ADAMTSL1: variants seen among roughly 807,000 people sequenced by gnomAD.
ADAMTSL1 encodes the protein ADAMTS like 1, also known as ADAMTS-like protein 1.
ADAMTSL1 carries 126 observed loss-of-function variants against 201.8 expected under a neutral mutation model. That is an observed-to-expected ratio of 0.62 (90% CI 0.54 to 0.72). ADAMTSL1 has a LOEUF of 0.72. ADAMTSL1 is among the 30% of genes least tolerant of loss of function. The pLI, the probability that ADAMTSL1 is intolerant of heterozygous loss-of-function variation, is 0.00. For synonymous variants in ADAMTSL1, 1,121 were observed against 903.4 expected (o/e 1.24, Z -4.32); for missense variants, 2,679 against 2,277.8 (o/e 1.18, Z -3.59).
At chr9:18,562,964 C>A (rs1039593898) in intron 3 of ADAMTSL1, among the ~76,000 whole-genome samples, 12 of 152,170 alleles carry the variant, frequency 7.9e-5, no homozygotes, top group African/African-American at 2.9e-4. Flanking sequence ...TTAGAACATG[C>A]TCCTTTAGCT....
intron 2 of ADAMTSL1, among the ~76,000 whole-genome samples, chr9:18,507,225 C>A (rs1205295790): frequency 6.6e-6 from 1 of 152,152 alleles, no homozygotes; most frequent in East Asian, 1.9e-4. Context: ...ATCTGAGATT[C>A]TAGTGGGATT....
At chr9:18,583,500 C>T (rs976738236) in intron 4 of ADAMTSL1, among the ~76,000 whole-genome samples, 3 of 152,178 alleles carry the variant, frequency 2.0e-5, no homozygotes, top group Non-Finnish European at 4.4e-5. Context: ...TAGGGCAGTG[C>T]AGAAGGGAAA....
chr9:18,470,032 C>G (rs1191943688), upstream of ADAMTSL1, among the ~76,000 whole-genome samples: 1 of 152,098 alleles, frequency 6.6e-6, no homozygotes, highest in African/African-American at 2.4e-5. Flanking sequence ...TAGAAAAGTG[C>G]CTACACATGG....
intron 23 of ADAMTSL1, among the ~76,000 whole-genome samples, chr9:18,845,999 C>T (rs1323281694): frequency 6.6e-6 from 1 of 152,164 alleles, no homozygotes; most frequent in Non-Finnish European, 1.5e-5. Flanking sequence ...AAGATAGTTC[C>T]ATTTACTTAT....
intron 1 of ADAMTSL1, among the ~76,000 whole-genome samples, chr9:18,132,013 G>A (rs189135810): frequency 2.0e-5 from 3 of 152,226 alleles, no homozygotes; most frequent in Admixed American, 2.0e-4. Flanking sequence ...TGAATTTATA[G>A]AATCACTCTG....
At chr9:17,985,731 C>G (rs1464488449) in intron 1 of ADAMTSL1, among the ~76,000 whole-genome samples, 1 of 152,090 alleles carries the variant, frequency 6.6e-6, no homozygotes, top group Non-Finnish European at 1.5e-5. Flanking sequence ...ATCAGATACT[C>G]CAATCCTTTC....
intron 20 of ADAMTSL1, among the ~76,000 whole-genome samples, chr9:18,804,032 G>C (rs1260526188): frequency 6.6e-6 from 1 of 152,182 alleles, no homozygotes; most frequent in Non-Finnish European, 1.5e-5. Flanking sequence ...TTTAGAAGCA[G>C]AATAGGACTA....
Position 17,910,018 on chromosome 9 carries a change from G to C in ADAMTSL1, c.87+3096G>C, listed in dbSNP as rs1312331607. ...AAAAAAAAGAATCATGGCCCCAGAA[G>C]TAAACTCGAAGAACAGTAAAGAAGG... is the stretch of plus-strand genomic sequence containing the variant. On this transcript the variant is annotated intron_variant, in intron 1 of 29. Coordinates refer to the ADAMTSL1 transcript ENST00000680146. 3.0e-5 allele frequency among the ~76,000 whole-genome samples: 2 copies of C among 66,426 alleles called. 1 individual carries two copies. The highest frequency in any genetic ancestry group is 6.0e-5 in the African/African-American group (2 of 33,288). The allele number at this position is 66,426 out of a possible 152,430, so 43.6% of individuals were successfully genotyped here. A position where few individuals can be genotyped will look rare whatever the true frequency, so the allele number is the denominator to read the frequency against.
At chr9:18,371,624 G>A (rs959662034) in intron 2 of ADAMTSL1, among the ~76,000 whole-genome samples, 9 of 152,064 alleles carry the variant, frequency 5.9e-5, no homozygotes, top group African/African-American at 1.9e-4. Context: ...AAGTTATATC[G>A]AATAGGGTTT....
At chr9:17,929,304 T>G (rs1329075219) in intron 1 of ADAMTSL1, among the ~76,000 whole-genome samples, 1 of 152,018 alleles carries the variant, frequency 6.6e-6, no homozygotes, top group Non-Finnish European at 1.5e-5. Context: ...TTTTAGACAT[T>G]TTATCCTAAT....
intron 22 of ADAMTSL1, among the ~76,000 whole-genome samples, chr9:18,828,450 T>G (rs1309583864): frequency 6.6e-6 from 1 of 151,440 alleles, no homozygotes; most frequent in Non-Finnish European, 1.5e-5. Flanking sequence ...TTGAGTAAAC[T>G]GCCACCATCA....
intron 2 of ADAMTSL1, among the ~76,000 whole-genome samples, chr9:18,266,886 T>A (rs1223175193): frequency 1.3e-5 from 2 of 152,126 alleles, no homozygotes; most frequent in African/African-American, 4.8e-5. Context: ...ATATTCCAGG[T>A]CCAGGCTTCT....
chr9:18,192,796 A>G (rs996388020), intron 2 of ADAMTSL1, among the ~76,000 whole-genome samples: 1 of 152,144 alleles, frequency 6.6e-6, no homozygotes, highest in Admixed American at 6.6e-5. Flanking sequence ...GAAAGAAAAG[A>G]CTGGCCAACT....
Position 18,795,457 on chromosome 9 carries a change from T to C in ADAMTSL1, c.3738T>C (p.Gly1246=). 6.2e-7 allele frequency: 1 copy of C among 1,613,922 alleles called. No individual in the cohort carries two copies. ...TGGCACCAGTGGAAGCAGATGTGGGTTTCTACACTTGCAATGCCACCAATG... is the reference window on the plus strand; with the variant it reads ...TGGCACCAGTGGAAGCAGATGTGGGCTTCTACACTTGCAATGCCACCAATG... ...QILAPVEADV[G]FYTCNATNAL... The change falls in exon 20 of 29, where the codon GGT becomes GGC. Residue 1246 remains glycine (G), a synonymous_variant. Transcript: ENST00000380548.
At chr9:18,761,964 A>G (rs2133666851) in intron 16 of ADAMTSL1, among the ~76,000 whole-genome samples, 1 of 152,340 alleles carries the variant, frequency 6.6e-6, no homozygotes, top group Non-Finnish European at 1.5e-5. Flanking sequence ...ACTGCAAAGC[A>G]GCTTCTGGCT....
intron 15 of ADAMTSL1, among the ~76,000 whole-genome samples, chr9:18,736,210 G>T (rs568166374): frequency 5.3e-5 from 8 of 152,150 alleles, no homozygotes; most frequent in Non-Finnish European, 1.2e-4. Flanking sequence ...CACAAGATGC[G>T]CCCCACTGTC....
chr9:18,281,202 C>A (rs183013342), intron 2 of ADAMTSL1, among the ~76,000 whole-genome samples: 5 of 152,006 alleles, frequency 3.3e-5, no homozygotes, highest in African/African-American at 4.8e-5. Flanking sequence ...TAAGCAAATG[C>A]TATAATAAGC....
chr9:18,863,654 G>A (rs941126262), intron 23 of ADAMTSL1, among the ~76,000 whole-genome samples: 1 of 152,142 alleles, frequency 6.6e-6, no homozygotes, highest in African/African-American at 2.4e-5. Context: ...CTCTCAGCCA[G>A]CTGCTTGGTG....
At chr9:18,533,205 T>A (rs536102865) in intron 2 of ADAMTSL1, 42 bp from the exon 3 acceptor site, 1 of 1,556,154 alleles carries the variant, frequency 6.4e-7, no homozygotes, top group African/African-American at 1.4e-5. Context: ...ATTTTGAGCT[T>A]TTCATAAGTA....
Sources: allele counts gnomAD v4.1 joint callset (sites outside exome capture counted in the v4.1 genomes callset), GRCh38; gene constraint gnomAD v4.1.1; transcripts MANE v1.5; gene names NCBI Gene and HGNC (gene_info 2026-07-23, HGNC 2026-07-21).